PRMT8: variants seen among roughly 807,000 people sequenced by gnomAD.
The protein encoded by PRMT8 is protein arginine N-methyltransferase 8.
Under a neutral mutation model 47.1 loss-of-function variants are expected in PRMT8, and 7 were observed. The ratio of observed to expected loss-of-function variants is 0.15; its 90% CI spans 0.08 to 0.28. The LOEUF (loss-of-function observed/expected upper bound fraction) is 0.28. Ranked by LOEUF, PRMT8 falls within the 10% of genes least tolerant of loss-of-function variation. The probability of loss-of-function intolerance (pLI) is 1.00; values close to 1 mark genes in which losing one functional copy is unlikely to be tolerated. For synonymous variants in PRMT8, 188 were observed against 186.5 expected, an observed-to-expected ratio of 1.01 and a Z score of -0.07; for missense variants, 237 against 505.4, an observed-to-expected ratio of 0.47 and a Z score of 5.09.
chr12:3,391,466 C>G (rs1047618780), intron 1 of PRMT8, among the ~76,000 whole-genome samples: 5 of 152,162 alleles, frequency 3.3e-5, no homozygotes, highest in African/African-American at 1.2e-4. Context: ...CAAAATCACT[C>G]TGTGTGTGGG....
chr12:3,580,570 T>C lies in PRMT8; in HGVS notation c.829-2488T>C, dbSNP rs1195054207. On this transcript the variant is annotated intron_variant, in intron 7 of 9. Transcript: ENST00000382622. The surrounding 1 kb of genome is among the most constrained non-coding windows in gnomAD (Gnocchi z 4.6). Reference sequence around the variant, plus strand: ...ATTGATGAGTCAACACATATTGCTGTGTATTAGGTGCTGCTGTGCACTGAG... The same window carrying C: ...ATTGATGAGTCAACACATATTGCTGCGTATTAGGTGCTGCTGTGCACTGAG... Among the ~76,000 whole-genome samples, 1 of 152,086 alleles carries C rather than the reference T, an allele frequency of 6.6e-6. No homozygotes were observed. Among genetic ancestry groups the C allele is most frequent in the Non-Finnish European group, 1.5e-5 (1 of 68,014 alleles).
chr12:3,423,724 G>A lies in PRMT8; in HGVS notation c.48+42282G>A, dbSNP rs1864568381. ...GTGGGACTCTGGGTGGGTCCACACG[G>A]TTTGTAACTTTGGGAATTTACCAAA... On this transcript the variant is annotated intron_variant, in intron 1 of 9. Coordinates refer to the PRMT8 transcript ENST00000452611. Among the ~76,000 whole-genome samples, 4 of 152,328 alleles carry A rather than the reference G, an allele frequency of 2.6e-5. No homozygotes were observed. The South Asian group carries it at 8.3e-4, about 32-fold the overall frequency.
intron 1 of PRMT8, among the ~76,000 whole-genome samples, chr12:3,430,587 CT>C (rs1260307092): frequency 1.3e-5 from 2 of 152,224 alleles, no homozygotes; most frequent in African/African-American, 4.8e-5. Flanking sequence ...CCTTAAGTCT[CT>C]TTCCCTTACC....
chr12:3,496,214 A>ATATTTTT, intron 1 of PRMT8, among the ~76,000 whole-genome samples: 18 of 27,770 alleles, frequency 6.5e-4, no homozygotes, highest in Admixed American at 1.5e-3. Flanking sequence ...ATATATATAT[A>ATATTTTT]TTTTTTTTTT....
intron 1 of PRMT8, among the ~76,000 whole-genome samples, chr12:3,447,414 C>A (rs1186563641): frequency 6.6e-6 from 1 of 152,164 alleles, no homozygotes; most frequent in Non-Finnish European, 1.5e-5. Flanking sequence ...TTCCTGTCTT[C>A]TTCAAATACT....
rs142326747 is a variant in PRMT8 at position 3,453,585 on chromosome 12, G to T, written c.48+72143G>T. Among the ~76,000 whole-genome samples the T allele has an allele frequency of 1.4e-4, 21 of 152,302 alleles. No individual in the cohort carries two copies. Among genetic ancestry groups the T allele is most frequent in the African/African-American group, 4.6e-4 (19 of 41,558 alleles). Reference sequence around the variant, plus strand: ...CATGCCATCGTGACCTTGAAGTAGGGCTGAGAATGAGGTGTCTGGGTCAGG... The same window carrying T: ...CATGCCATCGTGACCTTGAAGTAGGTCTGAGAATGAGGTGTCTGGGTCAGG... On this transcript the variant is annotated intron_variant, in intron 1 of 9. Transcript: ENST00000452611. The surrounding 1 kb of genome is among the most constrained non-coding windows in gnomAD (Gnocchi z 4.9).
chr12:3,495,429 T>A (rs924528475), intron 1 of PRMT8, among the ~76,000 whole-genome samples: 2 of 152,216 alleles, frequency 1.3e-5, no homozygotes, highest in African/African-American at 2.4e-5. Context: ...CTCTTCCCTC[T>A]GCCTGTGCCG....
chr12:3,564,712 A>G lies in PRMT8; in HGVS notation c.482-3994A>G, dbSNP rs1866690091. ...TGCAACCTTGAGTTGATGCAGTTTT[A>G]GTGACTTGGGGTCCAGATTGGGCAT... is the stretch of plus-strand genomic sequence containing the variant. On this transcript the variant is annotated intron_variant, in intron 4 of 9. Transcript: ENST00000382622. The surrounding 1 kb of genome is among the most constrained non-coding windows in gnomAD (Gnocchi z 4.0). 6.6e-6 allele frequency among the ~76,000 whole-genome samples: 1 copy of G among 152,242 alleles called. No homozygotes were observed. Among genetic ancestry groups the G allele is most frequent in the Non-Finnish European group, 1.5e-5 (1 of 68,038 alleles).
At chr12:3,546,479 C>T (rs1866329686) in intron 2 of PRMT8, among the ~76,000 whole-genome samples, 2 of 152,020 alleles carry the variant, frequency 1.3e-5, no homozygotes, top group African/African-American at 4.8e-5. Flanking sequence ...ATTAAAATAA[C>T]ATAAATGGAG....
chr12:3,589,023 C>T (rs1020964915), intron 8 of PRMT8, among the ~76,000 whole-genome samples: 8 of 152,160 alleles, frequency 5.3e-5, no homozygotes, highest in South Asian at 4.2e-4. Context: ...TAGAGAGAGG[C>T]GGCATATCTT....
chr12:3,542,528 A>G lies in PRMT8; in HGVS notation c.261+1737A>G, dbSNP rs148718123. Among the ~76,000 whole-genome samples, 795 of 152,336 alleles carry G rather than the reference A, an allele frequency of 5.2e-3. 12 individuals carry two copies. The highest frequency in any genetic ancestry group is 0.018 in the African/African-American group (748 of 41,578). ...TAAAAGTCATGTTCTCCATGTGACA[A>G]GTTCTAACAGGCCTGTGGCTCTGGG... On this transcript the variant is annotated intron_variant, in intron 2 of 9. Coordinates refer to ENST00000382622, the MANE Select transcript of PRMT8 (RefSeq NM_019854.5).
At chr12:3,548,887 A>G (rs910447914) in intron 2 of PRMT8, among the ~76,000 whole-genome samples, 2 of 152,248 alleles carry the variant, frequency 1.3e-5, no homozygotes, top group Non-Finnish European at 2.9e-5. Flanking sequence ...ATAGCAAAAA[A>G]CTGGAAAGAA....
chr12:3,465,229 AATAT>A (rs892995214), intron 1 of PRMT8, among the ~76,000 whole-genome samples: 1 of 142,774 alleles, frequency 7.0e-6, no homozygotes. Flanking sequence ...ATAAATATAA[AATAT>A]ATATATTTTT....
intron 1 of PRMT8, among the ~76,000 whole-genome samples, chr12:3,383,255 A>G (rs186397033): frequency 3.2e-4 from 49 of 152,296 alleles, no homozygotes; most frequent in Non-Finnish European, 2.4e-4. Context: ...ATCTATAAAA[A>G]TCTTGCTGGG....
intron 1 of PRMT8, among the ~76,000 whole-genome samples, chr12:3,537,461 C>T (rs1317630983): frequency 1.3e-5 from 2 of 152,132 alleles, no homozygotes; most frequent in African/African-American, 2.4e-5. Context: ...ACGTACTTCT[C>T]GGTTTATCAT....
chr12:3,414,561 G>A (rs561344272), intron 1 of PRMT8, among the ~76,000 whole-genome samples: 1 of 152,308 alleles, frequency 6.6e-6, no homozygotes, highest in Admixed American at 6.5e-5. Context: ...TCTCTGGCTG[G>A]AGCAGGCTCT....
intron 1 of PRMT8, among the ~76,000 whole-genome samples, chr12:3,404,870 G>A (rs1436288442): frequency 6.6e-6 from 1 of 152,100 alleles, no homozygotes; most frequent in Non-Finnish European, 1.5e-5. Flanking sequence ...CTGGTGAATT[G>A]ACCACTTTAT....
chr12:3,528,494 A>G (rs1443845961), intron 1 of PRMT8, among the ~76,000 whole-genome samples: 2 of 152,052 alleles, frequency 1.3e-5, no homozygotes, highest in Non-Finnish European at 2.9e-5. Context: ...CTAGAAGTTC[A>G]ATTTCGGTCG....
At chr12:3,392,911 G>A (rs1025445969) in intron 1 of PRMT8, among the ~76,000 whole-genome samples, 1 of 152,170 alleles carries the variant, frequency 6.6e-6, no homozygotes, top group Admixed American at 6.5e-5. Context: ...ATTCTAACTG[G>A]TGTGAGATGG....
Sources: allele counts gnomAD v4.1 joint callset (sites outside exome capture counted in the v4.1 genomes callset), GRCh38; gene constraint gnomAD v4.1.1; non-coding constraint Gnocchi (gnomAD v3.1); transcripts MANE v1.5; gene names NCBI Gene and HGNC (gene_info 2026-07-23, HGNC 2026-07-21).